The following CAV1 variants were observed in gnomAD, a reference collection of about 807,000 sequenced individuals.
CAV1 encodes the protein caveolin 1.
In CAV1, 10 loss-of-function variants were observed where a neutral mutation model predicts 16.5. The observed-to-expected ratio is 0.61, with a 90% CI of 0.37 to 1.03. The LOEUF is 1.03. Ranked by LOEUF, CAV1 falls within the 50% of genes least tolerant of loss-of-function variation. The pLI, the probability that CAV1 is intolerant of heterozygous loss-of-function variation, is 0.01. For missense variants in CAV1, 212 were observed against 232.8 expected, an observed-to-expected ratio of 0.91 and a Z score of 0.58; for synonymous variants, 76 against 85.1, an observed-to-expected ratio of 0.89 and a Z score of 0.59.
At chr7:116,553,191 T>C (rs1367043730) in intron 2 of CAV1, among the ~76,000 whole-genome samples, 1 of 152,168 alleles carries the variant, frequency 6.6e-6, no homozygotes, top group Non-Finnish European at 1.5e-5. Context: ...ATTTTAAAAA[T>C]CCTGTGCACA....
rs1794400564 is a variant in CAV1, at chr7:116,561,060, A to C, written c.*1773A>C. 6.6e-6 allele frequency: 1 copy of C among 152,628 alleles called. No individual in the cohort carries two copies. The highest frequency in any genetic ancestry group is 1.5e-5 in the Non-Finnish European group (1 of 68,038). 9.5% of individuals were successfully genotyped at this position (152,628 alleles called of 1,614,324 possible). ...AGATGCTTAGTCCCTCATGCAAATC[A>C]ATTACTGGTCCAAAAGATTGCTGAA... is the stretch of plus-strand genomic sequence containing the variant. On this transcript the variant is annotated 3_prime_UTR_variant, in exon 3 of 3. Transcript: ENST00000341049.
At chr7:116,532,800 A>G (rs1275413191) in intron 2 of CAV1, among the ~76,000 whole-genome samples, 1 of 152,210 alleles carries the variant, frequency 6.6e-6, no homozygotes, top group Non-Finnish European at 1.5e-5. Context: ...AAAGACCGAC[A>G]CAAAATTCTT....
chr7:116,545,351 C>A (rs1326016457), intron 2 of CAV1, among the ~76,000 whole-genome samples: 1 of 152,022 alleles, frequency 6.6e-6, no homozygotes, highest in Non-Finnish European at 1.5e-5. Context: ...GTAGAAAAAC[C>A]CTGTTGTAGA....
At chr7:116,550,271 A>G (rs1300920358) in intron 2 of CAV1, among the ~76,000 whole-genome samples, 1 of 152,164 alleles carries the variant, frequency 6.6e-6, no homozygotes, top group East Asian at 1.9e-4. Context: ...GAAACCCTGG[A>G]AACCCTTGCT....
chr7:116,551,643 A>G (rs9886216), intron 2 of CAV1, among the ~76,000 whole-genome samples: 43,097 of 152,080 alleles, frequency 0.28, 6,453 homozygotes, highest in African/African-American at 0.38. Flanking sequence ...GTCCAGCTGC[A>G]TAACAAATCA....
At chr7:116,544,956 T>A (rs1794011410) in intron 2 of CAV1, among the ~76,000 whole-genome samples, 1 of 152,180 alleles carries the variant, frequency 6.6e-6, no homozygotes, top group Admixed American at 6.5e-5. Context: ...TTTCACTTAC[T>A]CCATCCTCAA....
intron 1 of CAV1, 177 bp downstream of exon 1, chr7:116,525,269 A>G (rs746501251): frequency 6.3e-7 from 1 of 1,584,426 alleles, no homozygotes. Flanking sequence ...AAGAGAAGCC[A>G]GGAATGTTTT....
intron 2 of CAV1, chr7:116,542,988 C>G (rs1285449317): frequency 6.6e-6 from 1 of 152,118 alleles, no homozygotes; most frequent in Non-Finnish European, 1.5e-5. Context: ...GAAAAGAGAC[C>G]TTAGGTTACT....
chr7:116,551,650 A>T (rs1163897719), intron 2 of CAV1, among the ~76,000 whole-genome samples: 1 of 152,146 alleles, frequency 6.6e-6, no homozygotes, highest in Non-Finnish European at 1.5e-5. Context: ...TGCATAACAA[A>T]TCACCCCCAA....
intron 2 of CAV1, among the ~76,000 whole-genome samples, chr7:116,530,645 A>G (rs1793670221): frequency 1.3e-5 from 2 of 152,190 alleles, no homozygotes; most frequent in African/African-American, 4.8e-5. Context: ...AAGGCATTCT[A>G]AACGAGCCAG....
chr7:116,526,493 C>G lies in CAV1; in HGVS notation c.31-32C>G, dbSNP rs567595210. On this transcript the variant is annotated intron_variant, in intron 1 of 2. Coordinates refer to ENST00000341049, the MANE Select transcript of CAV1 (RefSeq NM_001753.5). ...CTCCCACCGCCGTTGCCGCCCTCCC[C>G]GTCCTGGCCGTCCGCCCTCCGCCCT... The G allele has an allele frequency of 4.3e-6, 7 of 1,613,392 alleles. No individual in the cohort carries two copies. The South Asian group carries it at 5.5e-5, about 13-fold the overall frequency.
chr7:116,537,745 C>A (rs1368085801), intron 2 of CAV1, among the ~76,000 whole-genome samples: 1 of 152,166 alleles, frequency 6.6e-6, no homozygotes, highest in Non-Finnish European at 1.5e-5. Context: ...CAGGTCTGAG[C>A]TTCTAGGATC....
intron 2 of CAV1, among the ~76,000 whole-genome samples, chr7:116,549,162 C>A (rs1228455589): frequency 1.3e-5 from 2 of 152,158 alleles, no homozygotes; most frequent in African/African-American, 4.8e-5. Context: ...AGACAAGAGG[C>A]ACCAAAGGAC....
intron 2 of CAV1, among the ~76,000 whole-genome samples, chr7:116,552,441 G>C (rs1172720429): frequency 6.6e-6 from 1 of 152,154 alleles, no homozygotes; most frequent in Non-Finnish European, 1.5e-5. Context: ...AAGCCAACAG[G>C]AAAGAGTGTT....
At chr7:116,537,471 A>G (rs1455138793) in intron 2 of CAV1, among the ~76,000 whole-genome samples, 2 of 152,138 alleles carry the variant, frequency 1.3e-5, no homozygotes, top group Non-Finnish European at 2.9e-5. Context: ...TATTATCACC[A>G]TCATATTCCT....
intron 2 of CAV1, chr7:116,552,031 G>A (rs1235581434): frequency 1.3e-5 from 2 of 152,462 alleles, no homozygotes; most frequent in Non-Finnish European, 1.5e-5. Context: ...GAATGTCCCA[G>A]TCTTTTGTAA....
Position 116,544,810 on chromosome 7 carries a change from A to T in CAV1, c.196-14136A>T, listed in dbSNP as rs75853413. ...CTTACCTTAAAAGTAAGTGCACCAT[A>T]GAAGGAAATCACCCTTCCTTGGTAA... On this transcript the variant is annotated intron_variant, in intron 2 of 2. Transcript: ENST00000341049. Among the ~76,000 whole-genome samples the T allele has an allele frequency of 3.1e-3, 470 of 152,338 alleles. 2 individuals carry two copies. Among genetic ancestry groups the T allele is most frequent in the African/African-American group, 0.011 (455 of 41,584 alleles).
intron 2 of CAV1, among the ~76,000 whole-genome samples, chr7:116,535,229 G>C (rs1267796366): frequency 6.6e-6 from 1 of 152,166 alleles, no homozygotes; most frequent in Non-Finnish European, 1.5e-5. Flanking sequence ...CTTATACCTG[G>C]AATATACTGG....
chr7:116,525,169 C>T (rs780722754), intron 1 of CAV1, 77 bp downstream of exon 1: 5 of 1,613,838 alleles, frequency 3.1e-6, no homozygotes, highest in Middle Eastern at 1.7e-4. Context: ...CCAAATATCC[C>T]GACTGCTGCC....
Sources: allele counts gnomAD v4.1 joint callset (sites outside exome capture counted in the v4.1 genomes callset), GRCh38; gene constraint gnomAD v4.1.1; transcripts MANE v1.5; gene names NCBI Gene and HGNC (gene_info 2026-07-23, HGNC 2026-07-21).